Variants in PMP22 observed in about 807,000 individuals in gnomAD.
PMP22 encodes the protein peripheral myelin protein 22, also known as Charcot-Marie-Tooth neuropathy 1A (greatly reduced nerve conduction velocity, hereditary motor sensory neuropathy Ia).
A neutral mutation model predicts 18.9 loss-of-function variants in PMP22; 2 were observed. The observed-to-expected ratio is 0.11, with a 90% CI of 0.04 to 0.33. The LOEUF (loss-of-function observed/expected upper bound fraction) is 0.33, where lower values mean the gene tolerates loss of function less well. PMP22 is among the 10% of genes least tolerant of loss of function. PMP22 has a pLI of 1.00. For missense variants in PMP22, 169 were observed against 202.2 expected (o/e 0.84, Z 1.00); for synonymous variants, 95 against 89.2 (o/e 1.07, Z -0.37).
In PMP22 at chr17:15,252,005, T is replaced by C. The variant is rs536112499; in HGVS notation, c.178+7089A>G. On this transcript the variant is annotated intron_variant, in intron 3 of 4. Transcript: ENST00000312280. ...GACAACACATTCCGTCCTCTGTACC[T>C]CCCTTGTACCACCAGGGTCTCAGCA... Among the ~76,000 whole-genome samples the C allele has an allele frequency of 1.4e-3, 207 of 152,200 alleles. 1 individual carries two copies. The highest frequency in any genetic ancestry group is 2.1e-3 in the Non-Finnish European group (142 of 68,006).
intron 4 of PMP22, among the ~76,000 whole-genome samples, chr17:15,237,038 G>A (rs1483792196): frequency 2.0e-5 from 3 of 152,190 alleles, no homozygotes; most frequent in Admixed American, 6.5e-5. Flanking sequence ...TTCATGAGAC[G>A]TAAGCAGCTA....
intron 4 of PMP22, among the ~76,000 whole-genome samples, chr17:15,234,621 A>G (rs1266241346): frequency 6.6e-6 from 1 of 152,138 alleles, no homozygotes; most frequent in African/African-American, 2.4e-5. Context: ...TTACATTTTC[A>G]GTATCCAAAT....
chr17:15,235,400 G>A (rs565582684), intron 4 of PMP22: 180 of 699,134 alleles, frequency 2.6e-4, no homozygotes, highest in Non-Finnish European at 3.7e-4. Flanking sequence ...AAATCAAAAC[G>A]TGCAAATCTT....
At chr17:15,244,192 G>A (rs1907590808) in intron 3 of PMP22, among the ~76,000 whole-genome samples, 1 of 151,960 alleles carries the variant, frequency 6.6e-6, no homozygotes, top group South Asian at 2.1e-4. Context: ...AGCAACCAAG[G>A]AAATGCAAGA....
At position 15,252,947 on chromosome 17, in the gene PMP22, AG is replaced by A. The variant is rs770755103; in HGVS notation, c.178+6146del. Among the ~76,000 whole-genome samples the A allele has an allele frequency of 7.2e-5, 11 of 152,344 alleles. No individual in the cohort carries two copies. In the South Asian group the frequency reaches 2.1e-3, roughly 29 times the overall value. Reference sequence around the variant, plus strand: ...ATTCTGACCCATTCTGCTACACGTCAGGTCCACACAAATTAAACAAAAAGCA... The same window carrying A: ...ATTCTGACCCATTCTGCTACACGTCAGTCCACACAAATTAAACAAAAAGCA... On this transcript the variant is annotated intron_variant, in intron 3 of 4. Transcript: ENST00000312280.
At chr17:15,235,570 G>A (rs972795417) in intron 4 of PMP22, among the ~76,000 whole-genome samples, 7 of 152,076 alleles carry the variant, frequency 4.6e-5, no homozygotes, top group African/African-American at 1.7e-4. Context: ...CTAAGAAGGT[G>A]GTTTAGTTAT....
intron 3 of PMP22, among the ~76,000 whole-genome samples, chr17:15,247,905 A>G (rs1173639445): frequency 6.6e-6 from 1 of 152,244 alleles, no homozygotes; most frequent in Admixed American, 6.5e-5. Flanking sequence ...CCATTTGCAT[A>G]GTGCTAGACT....
chr17:15,259,022 T>C, intron 3 of PMP22, 72 bp downstream of exon 3: 1 of 1,148,726 alleles, frequency 8.7e-7, no homozygotes, highest in Admixed American at 1.8e-5. Flanking sequence ...CAATAAGCGT[T>C]TCCAGCTCTG....
intron 3 of PMP22, among the ~76,000 whole-genome samples, chr17:15,242,251 C>CAAAAA (rs59075019): frequency 3.5e-4 from 19 of 54,766 alleles, no homozygotes; most frequent in African/African-American, 4.7e-4. Flanking sequence ...GACTCTGTCT[C>CAAAAA]AAAAAAAAAA....
chr17:15,239,657 G>C, intron 3 of PMP22, 46 bp from the exon 4 acceptor site: 1 of 1,608,952 alleles, frequency 6.2e-7, no homozygotes, highest in East Asian at 2.2e-5. Context: ...CATGGCCGGG[G>C]GAGGGCTCTG....
At chr17:15,265,068 C>G (rs555656794) in intron 1 of PMP22, 86 bp downstream of exon 1, 1 of 152,112 alleles carries the variant, frequency 6.6e-6, no homozygotes, top group African/African-American at 2.4e-5. Context: ...TTTTCATTTG[C>G]GGCTTGCAGG....
intron 3 of PMP22, among the ~76,000 whole-genome samples, chr17:15,247,504 G>A (rs897595833): frequency 2.0e-5 from 3 of 152,220 alleles, no homozygotes; most frequent in African/African-American, 7.2e-5. Context: ...CCAGCAGATA[G>A]TGGGAAGCTC....
intron 4 of PMP22, among the ~76,000 whole-genome samples, chr17:15,235,666 A>C (rs1209497623): frequency 2.6e-5 from 4 of 152,220 alleles, no homozygotes; most frequent in Admixed American, 6.5e-5. Context: ...CTAAATGCAC[A>C]TCAGAGTCAC....
intron 3 of PMP22, among the ~76,000 whole-genome samples, chr17:15,255,282 C>T (rs1347228996): frequency 6.6e-6 from 1 of 152,176 alleles, no homozygotes; most frequent in African/African-American, 2.4e-5. Context: ...AAAAGCCATG[C>T]TTCCCCCAAG....
intron 3 of PMP22, among the ~76,000 whole-genome samples, chr17:15,249,758 G>T (rs230912): frequency 6.6e-6 from 1 of 151,878 alleles, no homozygotes; most frequent in Non-Finnish European, 1.5e-5. Context: ...GAGGAGAGAC[G>T]GGGGTCACCC....
At chr17:15,242,345 G>T (rs1462536014) in intron 3 of PMP22, among the ~76,000 whole-genome samples, 1 of 143,720 alleles carries the variant, frequency 7.0e-6, no homozygotes, top group Non-Finnish European at 1.5e-5. Context: ...AAACAAAAAA[G>T]ATTCTGAAAA....
In PMP22 at chr17:15,244,901, T is replaced by C. The variant is rs138302517; in HGVS notation, c.179-5290A>G. ...TATAATACTTGTATTACTTAAATAATTAAAACCAATTTAAAAGATTACAAA... is the reference window on the plus strand; with the variant it reads ...TATAATACTTGTATTACTTAAATAACTAAAACCAATTTAAAAGATTACAAA... On this transcript the variant is annotated intron_variant, in intron 3 of 4. Coordinates refer to ENST00000312280, the MANE Select transcript of PMP22 (RefSeq NM_000304.4). Among the ~76,000 whole-genome samples the C allele has an allele frequency of 1.3e-3, 202 of 152,292 alleles. 1 individual carries two copies. Among genetic ancestry groups the C allele is most frequent in the African/African-American group, 4.7e-3 (197 of 41,562 alleles).
intron 3 of PMP22, among the ~76,000 whole-genome samples, chr17:15,242,167 C>T (rs962758890): frequency 1.4e-5 from 2 of 146,222 alleles, no homozygotes; most frequent in Non-Finnish European, 3.0e-5. Context: ...GGCAGAGAAT[C>T]GCTTGAACTC....
intron 3 of PMP22, among the ~76,000 whole-genome samples, chr17:15,241,422 T>C (rs1369545001): frequency 6.6e-6 from 1 of 152,134 alleles, no homozygotes; most frequent in African/African-American, 2.4e-5. Flanking sequence ...AATCTGAAAC[T>C]AAAACAAATA....
Sources: allele counts gnomAD v4.1 joint callset (sites outside exome capture counted in the v4.1 genomes callset), GRCh38; gene constraint gnomAD v4.1.1; transcripts MANE v1.5; gene names NCBI Gene and HGNC (gene_info 2026-07-23, HGNC 2026-07-21).